TMEM223: variants seen among roughly 807,000 people sequenced by gnomAD.
The protein encoded by TMEM223 is transmembrane protein 223.
In TMEM223, 14 loss-of-function variants were observed where a neutral mutation model predicts 14.1. The observed-to-expected ratio is 0.99, with a 90% CI of 0.66 to 1.55. The LOEUF is 1.55. Among genes scored for constraint, TMEM223 ranks in the 40% most tolerant of loss-of-function variants. The probability of loss-of-function intolerance (pLI) is 0.00; values close to 1 mark genes in which losing one functional copy is unlikely to be tolerated. For synonymous variants in TMEM223, 145 were observed against 120.5 expected (o/e 1.20, Z -1.33); for missense variants, 346 against 269.9 (o/e 1.28, Z -1.97).
At chr11:62,791,510 G>A (rs2084360640) in intron 1 of TMEM223, among the ~76,000 whole-genome samples, 169 bp downstream of exon 1, 1 of 152,106 alleles carries the variant, frequency 6.6e-6, no homozygotes, top group African/African-American at 2.4e-5. Flanking sequence ...GCCCGCCTCC[G>A]GCCTCCCAGC....
At chr11:62,788,668 C>A (rs1358226061), downstream of TMEM223, among the ~76,000 whole-genome samples, 1 of 125,472 alleles carries the variant, frequency 8.0e-6, no homozygotes, top group African/African-American at 2.9e-5. Flanking sequence ...GGCGCCACTG[C>A]ACTCCAGCAA....
chr11:62,791,691 A>C lies in TMEM223; in HGVS notation c.304T>G (p.Cys102Gly). The C allele has an allele frequency of 1.3e-6, 2 of 1,537,092 alleles. No individual in the cohort carries two copies. The highest frequency in any genetic ancestry group is 1.8e-6 in the Non-Finnish European group (2 of 1,140,742). The change falls in exon 1 of 2, where the codon TGC becomes GGC. Residue 102 changes from cysteine to glycine, a missense_variant. By Grantham distance (159) the Cys-to-Gly change is radical. Coordinates refer to ENST00000307366, the MANE Select transcript of TMEM223 (RefSeq NM_001080501.3). Reference sequence around the variant, plus strand: ...GCCCACGTCTTACCGATGGCGCCGCAGCCGACGGCCAGACCGTAGCGCCAG... The same window carrying C: ...GCCCACGTCTTACCGATGGCGCCGCCGCCGACGGCCAGACCGTAGCGCCAG... ...ALWRYGLAVG[C>G]GAIGALVLGA...
In TMEM223 at chr11:62,791,782, CG is replaced by C; in HGVS notation, c.212del (p.Pro71ArgfsTer63). On this transcript the variant is annotated frameshift_variant, in exon 1 of 2. Transcript: ENST00000307366. LOFTEE classifies it high-confidence loss of function. ...SMAVAAVSRP[P>X]VPVQPLDAEV... The stretch of plus-strand genomic sequence containing the variant: ...CCGCATCCAGAGGCTGCACCGGAAC[CG>C]GGGGCCGGGACACGGCTGCCACAGC... 1.9e-6 allele frequency: 3 copies of C among 1,568,666 alleles called. No homozygotes were observed. Among genetic ancestry groups the C allele is most frequent in the Non-Finnish European group, 2.6e-6 (3 of 1,157,544 alleles).
chr11:62,777,863 TC>T (rs1213653244), intron 1 of TMEM223: 104 of 1,288,860 alleles, frequency 8.1e-5, no homozygotes, highest in Middle Eastern at 2.6e-4. Flanking sequence ...TCTTGGGACT[TC>T]TGGACTTCCT....
In TMEM223 at chr11:62,791,895, C is replaced by A. The variant is rs866272176; in HGVS notation, c.100G>T (p.Val34Leu). Residue 34 changes from valine to leucine, a missense_variant, in exon 1 of 2, where the codon GTG becomes TTG. Transcript: ENST00000307366. ...PLQGTTLQRD[V>L]LLFEHDRGRF... is the part of the protein sequence containing the mutation. ...CCCCGATCATGCTCAAAGAGCAGCA[C>A]ATCCCGTTGCAGCGTCGTGCCTTGC... The A allele has an allele frequency of 6.2e-7, 1 of 1,600,204 alleles. No homozygotes were observed. Among genetic ancestry groups the A allele is most frequent in the Non-Finnish European group, 8.5e-7 (1 of 1,173,958 alleles).
chr11:62,780,254 GT>G (rs1156929670), intron 1 of TMEM223, among the ~76,000 whole-genome samples: 1 of 151,754 alleles, frequency 6.6e-6, no homozygotes. Context: ...GGAGGCAGAG[GT>G]TGCTGTGAGT....
At chr11:62,775,062 CAA>C (rs35218634) in intron 1 of TMEM223, among the ~76,000 whole-genome samples, 13 of 62,784 alleles carry the variant, frequency 2.1e-4, no homozygotes, top group Admixed American at 1.9e-4. Flanking sequence ...GACTCTGTCT[CAA>C]AAAAAAAAAA....
At chr11:62,786,280 C>T (rs763359368), downstream of TMEM223, 6 of 1,614,022 alleles carry the variant, frequency 3.7e-6, no homozygotes, top group Middle Eastern at 1.6e-4. Context: ...GAGTCCTGTA[C>T]CCACACCTGT....
chr11:62,777,560 A>G (rs2084196419), intron 1 of TMEM223, among the ~76,000 whole-genome samples: 1 of 152,122 alleles, frequency 6.6e-6, no homozygotes, highest in African/African-American at 2.4e-5. Flanking sequence ...GGCCAAGAGG[A>G]AAAGAAGGCA....
chr11:62,787,355 C>T (rs531134425), downstream of TMEM223: 3 of 1,536,246 alleles, frequency 2.0e-6, no homozygotes, highest in East Asian at 4.7e-5. Flanking sequence ...ACGTCTCCAC[C>T]TTCGTGGGTC....
In TMEM223 at chr11:62,776,472, T is replaced by C; in HGVS notation, c.315-1807A>G. ...GCCCTCAGATGGAGCAGCGTGGAGG[T>C]GAGTGGGGTGCAGGCTACAGAGGGC... On this transcript the variant is annotated intron_variant, in intron 1 of 2. Coordinates refer to the TMEM223 transcript ENST00000528367. 6.2e-7 allele frequency: 1 copy of C among 1,612,904 alleles called. No homozygotes were observed. The highest frequency in any genetic ancestry group is 8.5e-7 in the Non-Finnish European group (1 of 1,179,378).
chr11:62,779,976 A>ATTTTTTTTTTTTTTTT (rs1277954265), intron 1 of TMEM223, among the ~76,000 whole-genome samples: 1 of 52,632 alleles, frequency 1.9e-5, no homozygotes, highest in Non-Finnish European at 3.6e-5. Context: ...ATATATATAT[A>ATTTTTTTTTTTTTTTT]TTTTTTTTTT....
chr11:62,785,045 A>G (rs1301338328), downstream of TMEM223, among the ~76,000 whole-genome samples: 1 of 151,926 alleles, frequency 6.6e-6, no homozygotes, highest in Admixed American at 6.6e-5. Flanking sequence ...GTCTTCCTAC[A>G]TTGCCCAGGC....
chr11:62,789,110 C>T (rs761099032), downstream of TMEM223: 6 of 1,614,126 alleles, frequency 3.7e-6, no homozygotes, highest in South Asian at 4.4e-5. Context: ...AGCACCATCC[C>T]TGTGCTACTT....
chr11:62,771,838 C>T (rs1475129238), exon 3 of TMEM223: 2 of 300,300 alleles, frequency 6.7e-6, no homozygotes, highest in South Asian at 2.8e-5. Flanking sequence ...AAACTCCCTC[C>T]GTGCCTTTCG....
At chr11:62,789,505 C>T, downstream of TMEM223, 1 of 1,599,856 alleles carries the variant, frequency 6.3e-7, no homozygotes. Flanking sequence ...TCCTTTTATC[C>T]CCATCAGTTG....
At chr11:62,787,561 G>C (rs1165076043), downstream of TMEM223, 1 of 1,510,274 alleles carries the variant, frequency 6.6e-7, no homozygotes, top group Non-Finnish European at 8.8e-7. Context: ...GTAGGCGGGG[G>C]AGCTGGCCGG....
Position 62,790,550 on chromosome 11 carries a change from C to A in TMEM223, c.*73G>T. ...GTGCTGGGATTACAACAGGTGTGAACCAACACACCTGGCTCCCCAAGGTTC... is the reference window on the plus strand; with the variant it reads ...GTGCTGGGATTACAACAGGTGTGAAACAACACACCTGGCTCCCCAAGGTTC... On this transcript the variant is annotated 3_prime_UTR_variant, in exon 2 of 2. Transcript: ENST00000307366. 1 of 1,394,218 alleles carries A rather than the reference C, an allele frequency of 7.2e-7. No individual in the cohort carries two copies. Among genetic ancestry groups the A allele is most frequent in the Non-Finnish European group, 9.8e-7 (1 of 1,024,962 alleles). 86.4% of individuals were successfully genotyped at this position (1,394,218 alleles called of 1,614,324 possible).
At chr11:62,787,506 C>G, downstream of TMEM223, 1 of 1,576,906 alleles carries the variant, frequency 6.3e-7, no homozygotes, top group Non-Finnish European at 8.5e-7. Context: ...CCGTGGCGGC[C>G]GCGGCGATGA....
Sources: gnomAD v4.1 joint callset for allele counts (sites outside exome capture counted in the v4.1 genomes callset) on GRCh38, gnomAD v4.1.1 for gene constraint, MANE v1.5 for transcripts, NCBI Gene and HGNC (gene_info 2026-07-23, HGNC 2026-07-21) for gene names.